The following PSIP1 variants were observed in gnomAD, a reference collection of about 807,000 sequenced individuals.
The protein encoded by PSIP1 is PC4 and SFRS1-interacting protein.
Under a neutral mutation model 74.7 loss-of-function variants are expected in PSIP1, and 19 were observed. That is an observed-to-expected ratio of 0.25 (90% CI 0.18 to 0.37). PSIP1 has a LOEUF of 0.37. Ranked by LOEUF, PSIP1 falls within the 10% of genes least tolerant of loss-of-function variation. The pLI is 1.00. For missense variants in PSIP1, 601 were observed against 614.3 expected, an observed-to-expected ratio of 0.98 and a Z score of 0.23; for synonymous variants, 222 against 195.3, an observed-to-expected ratio of 1.14 and a Z score of -1.14.
At chr9:15,474,982 G>T (rs1199047399) in intron 8 of PSIP1, among the ~76,000 whole-genome samples, 1 of 152,156 alleles carries the variant, frequency 6.6e-6, no homozygotes, top group Non-Finnish European at 1.5e-5. Flanking sequence ...AGCTTGAAGA[G>T]ACTTCCTATC....
intron 3 of PSIP1, among the ~76,000 whole-genome samples, chr9:15,499,744 C>T (rs2037244514): frequency 1.3e-5 from 2 of 151,836 alleles, no homozygotes; most frequent in African/African-American, 4.8e-5. Flanking sequence ...CTTGGGGGCG[C>T]GTCCCTGTAA....
intron 12 of PSIP1, 70 bp downstream of exon 12, chr9:15,469,196 A>G (rs2035742715): frequency 1.5e-6 from 2 of 1,328,408 alleles, no homozygotes; most frequent in East Asian, 2.3e-5. Context: ...TACTCATAAG[A>G]TCATGTGAGA....
chr9:15,481,210 T>G (rs1385728393), intron 6 of PSIP1, among the ~76,000 whole-genome samples: 1 of 152,204 alleles, frequency 6.6e-6, no homozygotes, highest in Non-Finnish European at 1.5e-5. Context: ...ACCAGGATTC[T>G]GTGTTTTTAT....
intron 3 of PSIP1, among the ~76,000 whole-genome samples, chr9:15,496,054 CTG>C (rs887312922): frequency 3.2e-4 from 49 of 152,168 alleles, no homozygotes; most frequent in African/African-American, 4.8e-5. Flanking sequence ...ATACATCCGA[CTG>C]TGCATGATTT....
At position 15,472,555 on chromosome 9, in the gene PSIP1, A is replaced by G. The variant is rs2035884478; in HGVS notation, c.977+77T>C. Reference sequence around the variant, plus strand: ...TCAAAAGGCTTCATAAAGTCTGGAAAATGAAAGTCTATTATTTAAAAATTC... The same window carrying G: ...TCAAAAGGCTTCATAAAGTCTGGAAGATGAAAGTCTATTATTTAAAAATTC... On this transcript the variant is annotated intron_variant, in intron 10 of 15. Transcript: ENST00000380733. 17 of 1,512,930 alleles carry G rather than the reference A, an allele frequency of 1.1e-5. No individual in the cohort carries two copies. The South Asian group carries it at 2.2e-4, about 19-fold the overall frequency. The allele number at this position is 1,512,930 out of a possible 1,614,324, so 93.7% of individuals were successfully genotyped here. A position where few individuals can be genotyped will look rare whatever the true frequency, so the allele number is the denominator to read the frequency against.
At chr9:15,471,407 CTG>C (rs1463509828) in intron 10 of PSIP1, 16 of 1,495,196 alleles carry the variant, frequency 1.1e-5, no homozygotes, top group South Asian at 7.5e-5. Flanking sequence ...TCAAAAGAAA[CTG>C]AAATACATAA....
chr9:15,468,333 C>G (rs760408053), intron 14 of PSIP1: 1 of 601,124 alleles, frequency 1.7e-6, no homozygotes, highest in Non-Finnish European at 3.2e-6. Flanking sequence ...AGTGGGTACT[C>G]TAGGGATTAG....
chr9:15,477,348 G>C (rs1318880269), intron 8 of PSIP1, among the ~76,000 whole-genome samples: 1 of 152,088 alleles, frequency 6.6e-6, no homozygotes, highest in Non-Finnish European at 1.5e-5. Flanking sequence ...TTTGTGGTGA[G>C]AACCCTTAAA....
chr9:15,490,702 A>T (rs900729438), intron 3 of PSIP1, among the ~76,000 whole-genome samples: 1 of 151,652 alleles, frequency 6.6e-6, no homozygotes, highest in Non-Finnish European at 1.5e-5. Flanking sequence ...AAAAAAAAAA[A>T]AAAGGTTAAT....
At chr9:15,484,842 G>A (rs551101840) in intron 6 of PSIP1, among the ~76,000 whole-genome samples, 2 of 151,278 alleles carry the variant, frequency 1.3e-5, no homozygotes, top group East Asian at 1.9e-4. Flanking sequence ...GAATTCGGGA[G>A]GTGGAGGTTG....
Position 15,497,354 on chromosome 9 carries a change from T to C in PSIP1, c.150-7230A>G, listed in dbSNP as rs7858863. Among the ~76,000 whole-genome samples the C allele has an allele frequency of 9.8e-3, 1,394 of 142,430 alleles. 20 individuals are homozygous for C. The highest frequency in any genetic ancestry group is 0.038 in the African/African-American group (1,304 of 33,880). 93.4% of individuals were successfully genotyped at this position (142,430 alleles called of 152,430 possible). ...TTTTTTTTTTTTTGAGACAGAGTCTTGCTCTGTCACTCAGGCTGGAGTGCA... is the reference window on the plus strand; with the variant it reads ...TTTTTTTTTTTTTGAGACAGAGTCTCGCTCTGTCACTCAGGCTGGAGTGCA... On this transcript the variant is annotated intron_variant, in intron 3 of 15. Transcript: ENST00000380733.
At chr9:15,468,212 T>C (rs1056348040) in intron 14 of PSIP1, among the ~76,000 whole-genome samples, 1 of 151,748 alleles carries the variant, frequency 6.6e-6, no homozygotes, top group African/African-American at 2.4e-5. Flanking sequence ...CTGTATCAAG[T>C]AATGGCAGGT....
chr9:15,490,273 A>G (rs1042645972), intron 3 of PSIP1, 149 bp from the exon 4 acceptor site: 3 of 711,190 alleles, frequency 4.2e-6, no homozygotes, highest in Non-Finnish European at 6.3e-6. Flanking sequence ...TAATAATTCC[A>G]AATACTTTTA....
At chr9:15,488,407 C>T (rs909958485) in intron 4 of PSIP1, among the ~76,000 whole-genome samples, 15 of 152,096 alleles carry the variant, frequency 9.9e-5, no homozygotes, top group South Asian at 2.1e-4. Flanking sequence ...TAGATTTACT[C>T]GTGCTCTTCC....
intron 4 of PSIP1, among the ~76,000 whole-genome samples, chr9:15,488,913 C>A (rs960858169): frequency 5.3e-5 from 8 of 152,022 alleles, no homozygotes; most frequent in Admixed American, 2.0e-4. Context: ...CCCAGCTACT[C>A]GGAAGGCTGA....
intron 9 of PSIP1, among the ~76,000 whole-genome samples, chr9:15,473,196 A>C (rs1587464851): frequency 3.3e-5 from 5 of 152,336 alleles, no homozygotes; most frequent in Admixed American, 3.3e-4. Context: ...TTTTCTACAC[A>C]AAAGGATACA....
intron 14 of PSIP1, 66 bp from the exon 15 acceptor site, chr9:15,466,925 T>A: frequency 1.6e-6 from 2 of 1,212,546 alleles, no homozygotes; most frequent in Non-Finnish European, 2.4e-6. Context: ...AGGTGTCCAC[T>A]AAAGATCCAG....
At chr9:15,471,784 G>A (rs1397215) in intron 10 of PSIP1, 863,359 of 947,536 alleles carry the variant, frequency 0.91, 394,230 homozygotes, top group African/African-American at 0.94. Flanking sequence ...GTACAAAATT[G>A]TTCAAGAATT....
At chr9:15,481,263 G>A (rs911672267) in intron 6 of PSIP1, among the ~76,000 whole-genome samples, 2 of 152,190 alleles carry the variant, frequency 1.3e-5, no homozygotes, top group Non-Finnish European at 2.9e-5. Flanking sequence ...AAGACTGAGA[G>A]CTCTTTTCCT....
Sources: allele counts gnomAD v4.1 joint callset (sites outside exome capture counted in the v4.1 genomes callset), GRCh38; gene constraint gnomAD v4.1.1; transcripts MANE v1.5; gene names NCBI Gene and HGNC (gene_info 2026-07-23, HGNC 2026-07-21).